The following ZBTB46 variants were observed in gnomAD, a reference collection of about 807,000 sequenced individuals.
The protein encoded by ZBTB46 is zinc finger and BTB domain containing 46.
A neutral mutation model predicts 44.1 loss-of-function variants in ZBTB46; 8 were observed. The observed-to-expected ratio is 0.18, with a 90% CI of 0.11 to 0.33. The LOEUF (loss-of-function observed/expected upper bound fraction) is 0.33, where lower values mean the gene tolerates loss of function less well. Among genes scored for constraint, ZBTB46 ranks in the 10% least tolerant of loss-of-function variants. ZBTB46 has a pLI of 1.00. For synonymous variants in ZBTB46, 409 were observed against 382.3 expected (o/e 1.07, Z -0.81); for missense variants, 651 against 847.7 (o/e 0.77, Z 2.88).
At chr20:63,815,782 A>C (rs1161652839) in intron 1 of ZBTB46, among the ~76,000 whole-genome samples, 1 of 120,968 alleles carries the variant, frequency 8.3e-6, no homozygotes. Context: ...ACAAGTGCAG[A>C]AGGTGCAGGT....
chr20:63,829,407 C>T (rs1029546163), intron 1 of ZBTB46, among the ~76,000 whole-genome samples: 3 of 152,266 alleles, frequency 2.0e-5, no homozygotes, highest in African/African-American at 7.2e-5. Context: ...CCAGGCTGGC[C>T]TGAAGGCAAG....
intron 1 of ZBTB46, among the ~76,000 whole-genome samples, chr20:63,820,832 G>A (rs181539972): frequency 7.2e-5 from 11 of 152,078 alleles, no homozygotes; most frequent in Admixed American, 3.3e-4. Context: ...AGGTTCAAGC[G>A]ATTCTCCTGC....
chr20:63,777,602 A>G (rs528819568), intron 2 of ZBTB46, among the ~76,000 whole-genome samples: 4 of 152,366 alleles, frequency 2.6e-5, no homozygotes, highest in Non-Finnish European at 5.9e-5. Flanking sequence ...CATCAGGTAC[A>G]GGAATCACCA....
chr20:63,802,287 G>A (rs561033794), intron 1 of ZBTB46, among the ~76,000 whole-genome samples: 19 of 151,982 alleles, frequency 1.3e-4, no homozygotes, highest in Non-Finnish European at 2.1e-4. Flanking sequence ...GCCGGGTGTG[G>A]TGGCGCACGT....
At chr20:63,758,974 C>T (rs942105632) in intron 3 of ZBTB46, among the ~76,000 whole-genome samples, 6 of 152,186 alleles carry the variant, frequency 3.9e-5, no homozygotes, top group African/African-American at 9.7e-5. Flanking sequence ...CCTCGTGATC[C>T]GGCCGCCTCG....
At chr20:63,768,187 T>A in intron 3 of ZBTB46, 1 of 910,730 alleles carries the variant, frequency 1.1e-6, no homozygotes, top group Non-Finnish European at 1.3e-6. Flanking sequence ...AACAAAACAT[T>A]AACACCTGCC....
At chr20:63,763,946 T>C (rs1601414262) in intron 3 of ZBTB46, among the ~76,000 whole-genome samples, 1 of 152,314 alleles carries the variant, frequency 6.6e-6, no homozygotes, top group South Asian at 2.1e-4. Flanking sequence ...ACAGTTGCCT[T>C]ATCTGGTGCT....
At position 63,820,841 on chromosome 20, in the gene ZBTB46, G is replaced by A. The variant is rs368656231; in HGVS notation, c.-34+10256C>T. On this transcript the variant is annotated intron_variant, in intron 1 of 4. Transcript: ENST00000245663. Reference sequence around the variant, plus strand: ...CTTCCCAGGTTCAAGCGATTCTCCTGCCTCATCCTCCCGAAGATCTGGGAC... The same window carrying A: ...CTTCCCAGGTTCAAGCGATTCTCCTACCTCATCCTCCCGAAGATCTGGGAC... Among the ~76,000 whole-genome samples the A allele has an allele frequency of 2.7e-3, 403 of 151,790 alleles. 3 individuals are homozygous for A. The South Asian group carries it at 0.039, about 15-fold the overall frequency.
chr20:63,753,619 G>A (rs4809334), intron 3 of ZBTB46, among the ~76,000 whole-genome samples: 23,762 of 152,206 alleles, frequency 0.16, 2,293 homozygotes, highest in East Asian at 0.48. Flanking sequence ...ACGTCCACGG[G>A]ACCCTACGGG....
At chr20:63,786,000 C>T (rs989114691) in intron 2 of ZBTB46, among the ~76,000 whole-genome samples, 2 of 152,234 alleles carry the variant, frequency 1.3e-5, no homozygotes, top group African/African-American at 4.8e-5. Flanking sequence ...TTTCTCAGTG[C>T]CTGCATCGAC....
intron 2 of ZBTB46, among the ~76,000 whole-genome samples, chr20:63,779,586 A>G (rs745998081): frequency 2.6e-5 from 4 of 151,776 alleles, no homozygotes; most frequent in Non-Finnish European, 5.9e-5. Flanking sequence ...ACACCTGGCT[A>G]ATTTTTTGTA....
chr20:63,832,932 C>A (rs1379893602), upstream of ZBTB46, among the ~76,000 whole-genome samples: 1 of 151,966 alleles, frequency 6.6e-6, no homozygotes, highest in African/African-American at 2.4e-5. This position sits in a 1 kb window ranked among gnomAD's most constrained non-coding sequence, Gnocchi z 5.0. Flanking sequence ...TTGTACCCCA[C>A]GGAGGAAAGG....
At chr20:63,826,067 G>A (rs569038118) in intron 1 of ZBTB46, among the ~76,000 whole-genome samples, 10 of 152,380 alleles carry the variant, frequency 6.6e-5, no homozygotes, top group Admixed American at 2.0e-4. Context: ...CATCTCCACA[G>A]AGGAGCACCG....
chr20:63,812,142 C>G (rs990115788), intron 1 of ZBTB46, among the ~76,000 whole-genome samples: 2 of 152,168 alleles, frequency 1.3e-5, no homozygotes, highest in Non-Finnish European at 2.9e-5. Flanking sequence ...AAAAGAGAAG[C>G]AACGGTAAAC....
chr20:63,817,572 C>G (rs1382108880), intron 1 of ZBTB46, among the ~76,000 whole-genome samples: 3 of 151,788 alleles, frequency 2.0e-5, no homozygotes, highest in Non-Finnish European at 2.9e-5. Context: ...AAAAATTAGT[C>G]AGGCGTGGTG....
upstream of ZBTB46, among the ~76,000 whole-genome samples, chr20:63,833,569 C>T (rs1369583248): frequency 6.6e-6 from 1 of 152,022 alleles, no homozygotes; most frequent in Non-Finnish European, 1.5e-5. Context: ...CCAGCCTGGG[C>T]GACAGAGCAA....
At position 63,768,149 on chromosome 20, in the gene ZBTB46, T is replaced by A. The variant is rs1036452877; in HGVS notation, c.1222+7529A>T. On this transcript the variant is annotated intron_variant, in intron 3 of 4. Transcript: ENST00000245663. ...AAGGAAGACTGTAATTAATTCTCAA[T>A]AAAGAGACACTCAAAAATATATGCA... 5 of 984,914 alleles carry A rather than the reference T, an allele frequency of 5.1e-6. No individual in the cohort carries two copies. The African/African-American group carries it at 8.7e-5, about 17-fold the overall frequency. The allele number at this position is 984,914 out of a possible 1,614,324, so 61.0% of individuals were successfully genotyped here.
upstream of ZBTB46, among the ~76,000 whole-genome samples, chr20:63,832,966 C>T (rs2092859514): frequency 6.6e-6 from 1 of 151,966 alleles, no homozygotes; most frequent in African/African-American, 2.4e-5. This position sits in a 1 kb window ranked among gnomAD's most constrained non-coding sequence, Gnocchi z 5.0. Context: ...CAGGAGAGCT[C>T]GGGCCCACCG....
At chr20:63,757,314 G>T (rs939791822) in intron 3 of ZBTB46, among the ~76,000 whole-genome samples, 10 of 152,090 alleles carry the variant, frequency 6.6e-5, no homozygotes, top group Non-Finnish European at 1.2e-4. Context: ...GTAGAGACGC[G>T]GTTTCGCCAT....
Sources: allele counts gnomAD v4.1 joint callset (sites outside exome capture counted in the v4.1 genomes callset), GRCh38; gene constraint gnomAD v4.1.1; non-coding constraint Gnocchi (gnomAD v3.1); transcripts MANE v1.5; gene names NCBI Gene and HGNC (gene_info 2026-07-23, HGNC 2026-07-21).